The following FUT8 variants were observed in gnomAD, a reference collection of about 807,000 sequenced individuals.
FUT8 encodes fucosyltransferase 8.
A neutral mutation model predicts 71.3 loss-of-function variants in FUT8; 29 were observed. That is an observed-to-expected ratio of 0.41 (90% CI 0.30 to 0.55). FUT8 has a LOEUF of 0.55. Among genes scored for constraint, FUT8 ranks in the 20% least tolerant of loss-of-function variants. FUT8 has a pLI of 0.34. For synonymous variants in FUT8, 254 were observed against 239.3 expected, an observed-to-expected ratio of 1.06 and a Z score of -0.57; for missense variants, 544 against 702.1, an observed-to-expected ratio of 0.77 and a Z score of 2.55.
At chr14:65,465,303 A>C (rs2066026394) in intron 2 of FUT8, among the ~76,000 whole-genome samples, 1 of 152,160 alleles carries the variant, frequency 6.6e-6, no homozygotes. Context: ...TTAATCTCTT[A>C]GTCCTGCTTT....
intron 1 of FUT8, among the ~76,000 whole-genome samples, chr14:65,443,718 TAAAAAA>T (rs11317208): frequency 7.1e-6 from 1 of 140,290 alleles, no homozygotes; most frequent in Non-Finnish European, 1.6e-5. Context: ...GGACCTCTAA[TAAAAAA>T]AAAAAAAAAG....
chr14:65,451,460 C>T (rs896541845), intron 1 of FUT8, among the ~76,000 whole-genome samples: 20 of 152,336 alleles, frequency 1.3e-4, no homozygotes, highest in African/African-American at 2.6e-4. Flanking sequence ...CTTTTAGCTC[C>T]GCTGTCCGTG....
At chr14:65,598,081 A>G (rs1165741435) in intron 3 of FUT8, among the ~76,000 whole-genome samples, 2 of 152,254 alleles carry the variant, frequency 1.3e-5, no homozygotes, top group Non-Finnish European at 1.5e-5. Context: ...AGCTGAGGTA[A>G]GAGGACAGCT....
intron 7 of FUT8, among the ~76,000 whole-genome samples, chr14:65,680,651 A>G (rs1892994027): frequency 6.6e-6 from 1 of 152,260 alleles, no homozygotes; most frequent in Non-Finnish European, 1.5e-5. Flanking sequence ...GTTAGGTCAT[A>G]TGAAAGTATA....
intron 2 of FUT8, chr14:65,468,044 G>C: frequency 1.5e-6 from 1 of 669,384 alleles, no homozygotes; most frequent in Non-Finnish European, 2.8e-6. Flanking sequence ...CAAGAATCTT[G>C]CCCTTAACTT....
the FUT8 span, among the ~76,000 whole-genome samples, chr14:65,376,698 C>T: frequency 2.0e-5 from 3 of 152,110 alleles, no homozygotes; most frequent in African/African-American, 2.4e-5. Flanking sequence ...AGGCATGAGC[C>T]GCTGTGCCCT....
chr14:65,539,608 T>A (rs1370163514), intron 2 of FUT8, among the ~76,000 whole-genome samples: 1 of 152,246 alleles, frequency 6.6e-6, no homozygotes, highest in African/African-American at 2.4e-5. Context: ...TGGGTACTTA[T>A]TTATGTACTA....
At chr14:65,556,348 C>T (rs972527814) in intron 2 of FUT8, among the ~76,000 whole-genome samples, 2 of 152,162 alleles carry the variant, frequency 1.3e-5, no homozygotes, top group African/African-American at 2.4e-5. Flanking sequence ...TGCTCACGTT[C>T]ACTGGTCATT....
intron 3 of FUT8, among the ~76,000 whole-genome samples, chr14:65,608,139 A>T (rs902943954): frequency 6.6e-6 from 1 of 150,832 alleles, no homozygotes; most frequent in Non-Finnish European, 1.5e-5. Context: ...GAAAATTTTT[A>T]TATATTATTG....
At chr14:65,509,551 A>G (rs935006360) in intron 2 of FUT8, among the ~76,000 whole-genome samples, 11 of 152,088 alleles carry the variant, frequency 7.2e-5, no homozygotes, top group Non-Finnish European at 1.6e-4. Context: ...CAACCCATAA[A>G]CATGGAATAT....
At chr14:65,670,122 A>G (rs1209071887) in intron 7 of FUT8, among the ~76,000 whole-genome samples, 1 of 152,236 alleles carries the variant, frequency 6.6e-6, no homozygotes, top group Non-Finnish European at 1.5e-5. Context: ...TTATAAGCAG[A>G]TAGAAACATC....
At chr14:65,692,175 T>C (rs1893649579) in intron 7 of FUT8, among the ~76,000 whole-genome samples, 2 of 150,124 alleles carry the variant, frequency 1.3e-5, no homozygotes, top group African/African-American at 4.9e-5. Flanking sequence ...CCAGTAGGGG[T>C]GGCCGGGCAG....
chr14:65,530,765 T>G (rs959132355), intron 2 of FUT8, among the ~76,000 whole-genome samples: 27 of 151,318 alleles, frequency 1.8e-4, no homozygotes, highest in Non-Finnish European at 2.8e-4. Context: ...TCACTGCCTG[T>G]TTTATGGTGC....
At chr14:65,657,970 A>G (rs1891768965) in intron 6 of FUT8, among the ~76,000 whole-genome samples, 1 of 152,058 alleles carries the variant, frequency 6.6e-6, no homozygotes, top group Non-Finnish European at 1.5e-5. Flanking sequence ...AAAGAAAAAC[A>G]ATGCTAGAAA....
At chr14:65,584,970 T>C (rs1887296777) in intron 3 of FUT8, among the ~76,000 whole-genome samples, 1 of 152,180 alleles carries the variant, frequency 6.6e-6, no homozygotes, top group African/African-American at 2.4e-5. Flanking sequence ...ATTTTGGAAA[T>C]ATATATAACC....
intron 6 of FUT8, among the ~76,000 whole-genome samples, chr14:65,663,084 C>T (rs552026980): frequency 5.9e-4 from 90 of 152,010 alleles, no homozygotes; most frequent in African/African-American, 1.9e-3. Context: ...TAATGAGACC[C>T]TTCTATATAT....
At chr14:65,442,981 A>T (rs556476298) in intron 1 of FUT8, among the ~76,000 whole-genome samples, 1 of 152,298 alleles carries the variant, frequency 6.6e-6, no homozygotes, top group South Asian at 2.1e-4. Context: ...ATATATCAAT[A>T]TTCATTAAGT....
intron 7 of FUT8, among the ~76,000 whole-genome samples, chr14:65,686,716 CTGTTTTTT>C (rs1307678620): frequency 6.6e-6 from 1 of 152,118 alleles, no homozygotes; most frequent in Non-Finnish European, 1.5e-5. Context: ...GAACAAGAAA[CTGTTTTTT>C]TAAGAGGGCA....
chr14:65,555,177 C>T (rs954180045), intron 2 of FUT8, among the ~76,000 whole-genome samples: 1 of 152,190 alleles, frequency 6.6e-6, no homozygotes, highest in Non-Finnish European at 1.5e-5. Context: ...ATATGCCTCA[C>T]ATAGCCTAAG....
Sources: gnomAD v4.1 joint callset for allele counts (sites outside exome capture counted in the v4.1 genomes callset) on GRCh38, gnomAD v4.1.1 for gene constraint, MANE v1.5 for transcripts, NCBI Gene and HGNC (gene_info 2026-07-23, HGNC 2026-07-21) for gene names.